The following SNTB1 variants were observed in gnomAD, a reference collection of about 807,000 sequenced individuals.
SNTB1 encodes the protein beta-1-syntrophin.
SNTB1 carries 36 observed loss-of-function variants against 48.9 expected under a neutral mutation model. The observed-to-expected ratio is 0.74, with a 90% CI of 0.56 to 0.97. The LOEUF (loss-of-function observed/expected upper bound fraction) is 0.97. Among genes scored for constraint, SNTB1 ranks in the 50% least tolerant of loss-of-function variants. SNTB1 has a pLI of 0.00. For missense variants in SNTB1, 786 were observed against 703.4 expected (o/e 1.12, Z -1.33); for synonymous variants, 299 against 294.6 (o/e 1.01, Z -0.15).
chr8:120,572,498 T>C (rs975046983), intron 4 of SNTB1, among the ~76,000 whole-genome samples: 1 of 152,172 alleles, frequency 6.6e-6, no homozygotes, highest in Non-Finnish European at 1.5e-5. Flanking sequence ...GCCTGGGAAA[T>C]GTCAGCTACT....
chr8:120,739,978 T>C (rs1313421895), intron 1 of SNTB1, among the ~76,000 whole-genome samples: 1 of 152,170 alleles, frequency 6.6e-6, no homozygotes, highest in Non-Finnish European at 1.5e-5. Flanking sequence ...CATGACCCCA[T>C]GTTCCTAGAG....
intron 1 of SNTB1, among the ~76,000 whole-genome samples, chr8:120,755,826 C>G (rs1173406271): frequency 6.6e-6 from 1 of 152,080 alleles, no homozygotes; most frequent in African/African-American, 2.4e-5. Context: ...ATTTAATTCT[C>G]CCAACAACCA....
At chr8:120,601,429 C>G (rs1194753701) in intron 3 of SNTB1, among the ~76,000 whole-genome samples, 1 of 152,060 alleles carries the variant, frequency 6.6e-6, no homozygotes, top group African/African-American at 2.4e-5. Flanking sequence ...CAAAAAATAC[C>G]CCATGGACAT....
intron 3 of SNTB1, among the ~76,000 whole-genome samples, chr8:120,610,409 C>T (rs146794751): frequency 1.3e-3 from 195 of 152,336 alleles, no homozygotes; most frequent in African/African-American, 4.2e-3. Flanking sequence ...GCTGGGATTA[C>T]GGGCGTGAGC....
chr8:120,602,454 T>C (rs10104255), intron 3 of SNTB1, among the ~76,000 whole-genome samples: 35,711 of 152,032 alleles, frequency 0.23, 4,294 homozygotes, highest in African/African-American at 0.29. Context: ...GTCCAATCAG[T>C]TGAAGACCTG....
intron 1 of SNTB1, among the ~76,000 whole-genome samples, chr8:120,782,082 T>C (rs1180720623): frequency 6.6e-6 from 1 of 152,216 alleles, no homozygotes; most frequent in South Asian, 2.1e-4. Context: ...GGAACTGTCC[T>C]GGGCCTCTCT....
chr8:120,567,216 A>C (rs1815765233), intron 4 of SNTB1, among the ~76,000 whole-genome samples: 1 of 152,166 alleles, frequency 6.6e-6, no homozygotes. Flanking sequence ...TGTTTGTTAA[A>C]AGCACATTCT....
At position 120,772,157 on chromosome 8, in the gene SNTB1, C is replaced by A. The variant is rs1401465189; in HGVS notation, c.571+39116G>T. On this transcript the variant is annotated intron_variant, in intron 1 of 6. Transcript: ENST00000517992. ...GTGCTGGGATTACAGGCATGAGCCA[C>A]TGCACCGACCTGTATCTGTTTTATA... is the stretch of plus-strand genomic sequence containing the variant. Among the ~76,000 whole-genome samples the A allele has an allele frequency of 2.6e-5, 4 of 152,224 alleles. No homozygotes were observed. In the East Asian group the frequency reaches 7.8e-4, roughly 30 times the overall value.
intron 5 of SNTB1, among the ~76,000 whole-genome samples, chr8:120,547,694 T>C (rs530613011): frequency 2.1e-4 from 32 of 151,928 alleles, no homozygotes; most frequent in Admixed American, 2.0e-3. Context: ...TACTGTACTA[T>C]AGAAGGGTTC....
At chr8:120,733,115 G>A (rs527774276) in intron 1 of SNTB1, among the ~76,000 whole-genome samples, 152 of 152,328 alleles carry the variant, frequency 1.0e-3, no homozygotes, top group Non-Finnish European at 1.8e-3. Flanking sequence ...TACAAATCGT[G>A]TATATGCCAA....
chr8:120,794,131 T>C (rs190843195), intron 1 of SNTB1, among the ~76,000 whole-genome samples: 1 of 152,098 alleles, frequency 6.6e-6, no homozygotes, highest in African/African-American at 2.4e-5. Context: ...GTGAATTCAG[T>C]ATTAAGAAGG....
rs546161138 is a variant in SNTB1, at chr8:120,548,859, G to A, written c.1236C>T (p.Leu412=). The A allele has an allele frequency of 1.2e-6, 2 of 1,614,054 alleles. No individual in the cohort carries two copies. The highest frequency in any genetic ancestry group is 1.7e-6 in the Non-Finnish European group (2 of 1,179,976). Residue 412 remains leucine, a synonymous_variant, in exon 5 of 7, where the codon CTC becomes CTT. Transcript: ENST00000517992. ...TGTRQGIETH[L]FRAETSRDLS... is the part of the protein sequence containing the mutation. ...GGTCCCTGCTGGTCTCTGCTCTGAAGAGATGTGTTTCAATCCCTTGCCTGG... is the reference window on the plus strand; with the variant it reads ...GGTCCCTGCTGGTCTCTGCTCTGAAAAGATGTGTTTCAATCCCTTGCCTGG...
intron 1 of SNTB1, among the ~76,000 whole-genome samples, chr8:120,728,293 T>C (rs10107855): frequency 0.35 from 52,590 of 152,114 alleles, 10,325 homozygotes; most frequent in East Asian, 0.7. Flanking sequence ...TGTGTCCGGC[T>C]GTGAAGTATT....
intron 3 of SNTB1, among the ~76,000 whole-genome samples, chr8:120,584,774 G>C (rs1169282778): frequency 6.6e-6 from 1 of 152,142 alleles, no homozygotes; most frequent in African/African-American, 2.4e-5. Context: ...GGTCATATTG[G>C]AATAGGTTGG....
chr8:120,647,427 A>G (rs1483512500), intron 2 of SNTB1, among the ~76,000 whole-genome samples: 30 of 149,162 alleles, frequency 2.0e-4, no homozygotes, highest in African/African-American at 6.6e-4. Flanking sequence ...TTATGTACCC[A>G]GTAGTCATTC....
chr8:120,806,617 A>T lies in SNTB1; in HGVS notation c.571+4656T>A, dbSNP rs182460126. ...GGGTGTTAAAATTTTGTTATTAGTG[A>T]TGTGCACTGGGTCTGAGTTTATAGG... On this transcript the variant is annotated intron_variant, in intron 1 of 6. Transcript: ENST00000517992. Among the ~76,000 whole-genome samples the T allele has an allele frequency of 3.9e-5, 6 of 152,272 alleles. No homozygotes were observed. In the East Asian group the frequency reaches 1.2e-3, roughly 29 times the overall value.
chr8:120,619,454 T>C (rs986193434), intron 3 of SNTB1, among the ~76,000 whole-genome samples: 4 of 152,200 alleles, frequency 2.6e-5, no homozygotes, highest in Admixed American at 1.3e-4. Flanking sequence ...TTTCAGGACC[T>C]TGTGAAATTA....
chr8:120,567,327 TGC>T, intron 4 of SNTB1, among the ~76,000 whole-genome samples: 1 of 152,036 alleles, frequency 6.6e-6, no homozygotes, highest in Non-Finnish European at 1.5e-5. Context: ...GGGCAAGGTT[TGC>T]AAACCCTAAT....
chr8:120,797,546 C>CTTTTTTTTTTTTTTTT (rs60374035), intron 1 of SNTB1, among the ~76,000 whole-genome samples: 3 of 69,112 alleles, frequency 4.3e-5, no homozygotes, highest in African/African-American at 1.1e-4. Context: ...ACTTGTTTCT[C>CTTTTTTTTTTTTTTTT]TTTTTTTTTT....
Sources: allele counts gnomAD v4.1 joint callset (sites outside exome capture counted in the v4.1 genomes callset), GRCh38; gene constraint gnomAD v4.1.1; transcripts MANE v1.5; gene names NCBI Gene and HGNC (gene_info 2026-07-23, HGNC 2026-07-21).